TLE1: variants seen among roughly 807,000 people sequenced by gnomAD.
The protein encoded by TLE1 is TLE family member 1, transcriptional corepressor, also known as transducin-like enhancer protein 1.
A neutral mutation model predicts 89.8 loss-of-function variants in TLE1; 21 were observed. That is an observed-to-expected ratio of 0.23 (90% confidence interval 0.17 to 0.34). The LOEUF (loss-of-function observed/expected upper bound fraction) is 0.34. TLE1 is among the 10% of genes least tolerant of loss of function. The pLI, the probability that TLE1 is intolerant of heterozygous loss-of-function variation, is 1.00. For missense variants in TLE1, 795 were observed against 1,031.2 expected (o/e 0.77, Z 3.14); for synonymous variants, 447 against 407.6 (o/e 1.10, Z -1.16).
intron 14 of TLE1, among the ~76,000 whole-genome samples, chr9:81,602,041 C>G (rs1830992484): frequency 6.6e-6 from 1 of 152,100 alleles, no homozygotes; most frequent in Non-Finnish European, 1.5e-5. Context: ...TTTCACGGTG[C>G]AACTGGAGGG....
At position 81,633,324 on chromosome 9, in the gene TLE1, T is replaced by C. The variant is rs780707189; in HGVS notation, c.594+24A>G. 5.8e-5 allele frequency: 94 copies of C among 1,606,950 alleles called. 1 individual carries two copies. Among genetic ancestry groups the C allele is most frequent in the Middle Eastern group, 5.2e-4 (3 of 5,736 alleles). On this transcript the variant is annotated intron_variant, in intron 8 of 19. Coordinates refer to ENST00000376499, the MANE Select transcript of TLE1 (RefSeq NM_005077.5). ...GTGTGTGTGTGTGTGTGTGTGTGTG[T>C]GCAGCAGGCGTTTGAGTACTTACTG...
intron 11 of TLE1, among the ~76,000 whole-genome samples, chr9:81,614,832 C>T (rs549629501): frequency 6.6e-6 from 1 of 151,824 alleles, no homozygotes; most frequent in East Asian, 2.0e-4. Flanking sequence ...TGCTCTATGA[C>T]ATGCCCCGAT....
At chr9:81,684,732 CTGA>C (rs576968846) in intron 4 of TLE1, among the ~76,000 whole-genome samples, 419 of 152,312 alleles carry the variant, frequency 2.8e-3, no homozygotes, top group Admixed American at 4.4e-3. Flanking sequence ...GCAACTTCAT[CTGA>C]TGATAATTTT....
At chr9:81,603,819 T>C (rs533656801) in intron 14 of TLE1, among the ~76,000 whole-genome samples, 6 of 152,202 alleles carry the variant, frequency 3.9e-5, no homozygotes, top group South Asian at 2.1e-4. Context: ...CTGGCCAACA[T>C]GGTGAAACCC....
chr9:81,642,903 AAAG>A (rs1828332114), intron 6 of TLE1, among the ~76,000 whole-genome samples: 1 of 152,226 alleles, frequency 6.6e-6, no homozygotes, highest in Admixed American at 6.5e-5. Flanking sequence ...CAGCCTTGAA[AAAG>A]AAGAAAATCC....
chr9:81,655,585 A>G (rs1830058133), intron 4 of TLE1, among the ~76,000 whole-genome samples: 1 of 152,018 alleles, frequency 6.6e-6, no homozygotes, highest in Non-Finnish European at 1.5e-5. Flanking sequence ...TTTTTAAAAA[A>G]GAAAAAAAAA....
chr9:81,632,865 A>G (rs754442302), intron 8 of TLE1, among the ~76,000 whole-genome samples: 5 of 152,224 alleles, frequency 3.3e-5, no homozygotes, highest in Non-Finnish European at 7.3e-5. Flanking sequence ...CCTAGCAACC[A>G]AGATGCATTC....
At chr9:81,632,513 T>C (rs1826802624) in intron 8 of TLE1, among the ~76,000 whole-genome samples, 1 of 142,212 alleles carries the variant, frequency 7.0e-6, no homozygotes, top group South Asian at 2.2e-4. Flanking sequence ...TTAAACACAG[T>C]CAAAATACTG....
intron 14 of TLE1, among the ~76,000 whole-genome samples, chr9:81,595,894 G>C (rs1009570318): frequency 2.0e-5 from 3 of 151,944 alleles, no homozygotes; most frequent in African/African-American, 4.8e-5. Context: ...GTTTAAGATG[G>C]AGAAACTGCT....
chr9:81,641,489 T>C (rs1171073869), intron 6 of TLE1, among the ~76,000 whole-genome samples: 1 of 152,036 alleles, frequency 6.6e-6, no homozygotes, highest in East Asian at 1.9e-4. Context: ...ACACAGAAAA[T>C]GATGCATGGG....
intron 4 of TLE1, among the ~76,000 whole-genome samples, chr9:81,662,379 G>GTGTGTGTGTGTA (rs1830922695): frequency 7.4e-6 from 1 of 134,670 alleles, no homozygotes; most frequent in Non-Finnish European, 1.6e-5. Context: ...GTGTGTGTGT[G>GTGTGTGTGTGTA]TGTGTGTGTG....
intron 10 of TLE1, 65 bp from the exon 11 acceptor site, chr9:81,616,199 C>T (rs1824493181): frequency 6.5e-7 from 1 of 1,537,550 alleles, no homozygotes; most frequent in East Asian, 2.3e-5. Context: ...TCCCTTTCCA[C>T]ACTCATTCTC....
chr9:81,661,910 C>CA lies in TLE1; in HGVS notation c.235-7875dup, dbSNP rs1400071116. ...TGAAGCATCCTCAGGGAAAGTGGAA[C>CA]AATCATACGTTACTGATGACATTAA... is the stretch of plus-strand genomic sequence containing the variant. On this transcript the variant is annotated intron_variant, in intron 4 of 19. Coordinates refer to ENST00000376499, the MANE Select transcript of TLE1 (RefSeq NM_005077.5). 1.3e-5 allele frequency among the ~76,000 whole-genome samples: 2 copies of CA among 152,188 alleles called. 1 individual carries two copies. Among genetic ancestry groups the CA allele is most frequent in the Non-Finnish European group, 2.9e-5 (2 of 68,038 alleles).
intron 8 of TLE1, among the ~76,000 whole-genome samples, chr9:81,632,585 C>G (rs1472841546): frequency 6.8e-6 from 1 of 146,778 alleles, no homozygotes; most frequent in Non-Finnish European, 1.5e-5. Flanking sequence ...GGGCTGAATT[C>G]TCTCTATTTG....
At chr9:81,600,247 G>C (rs551475124) in intron 14 of TLE1, 22 of 581,106 alleles carry the variant, frequency 3.8e-5, no homozygotes, top group Non-Finnish European at 3.8e-5. Context: ...AGACAAAAAC[G>C]AGCATTATCC....
At chr9:81,637,466 T>A (rs1262949209) in intron 6 of TLE1, among the ~76,000 whole-genome samples, 1 of 152,162 alleles carries the variant, frequency 6.6e-6, no homozygotes, top group Non-Finnish European at 1.5e-5. Context: ...CTTTTGTGGT[T>A]AAACCCAACA....
chr9:81,667,866 C>T (rs1388925867), intron 4 of TLE1, among the ~76,000 whole-genome samples: 2 of 152,088 alleles, frequency 1.3e-5, no homozygotes, highest in African/African-American at 4.8e-5. Flanking sequence ...CTCAAAGTAG[C>T]CAGAAGGATA....
chr9:81,615,470 C>T (rs547836177), intron 11 of TLE1, among the ~76,000 whole-genome samples: 73 of 145,846 alleles, frequency 5.0e-4, no homozygotes, highest in Middle Eastern at 3.8e-3. Context: ...GAGGCTGAGG[C>T]GGGTGGATCA....
At chr9:81,585,739 G>C (rs1229073346) in intron 17 of TLE1, 84 bp from the exon 18 acceptor site, 3 of 1,514,384 alleles carry the variant, frequency 2.0e-6, no homozygotes, top group African/African-American at 2.7e-5. Context: ...TGGGGAAATA[G>C]CAAGAATGGG....
Sources: gnomAD v4.1 joint callset for allele counts (sites outside exome capture counted in the v4.1 genomes callset) on GRCh38, gnomAD v4.1.1 for gene constraint, MANE v1.5 for transcripts, NCBI Gene and HGNC (gene_info 2026-07-23, HGNC 2026-07-21) for gene names.